The following ZBTB40 variants were observed in gnomAD, a reference collection of about 807,000 sequenced individuals.
ZBTB40 encodes zinc finger and BTB domain containing 40.
In ZBTB40, 60 loss-of-function variants were observed where a neutral mutation model predicts 117.5. That is an observed-to-expected ratio of 0.51 (90% confidence interval 0.41 to 0.63). The LOEUF (loss-of-function observed/expected upper bound fraction) is 0.63. Among genes scored for constraint, ZBTB40 ranks in the 30% least tolerant of loss-of-function variants. The pLI is 0.00. For synonymous variants in ZBTB40, 525 were observed against 577.1 expected (o/e 0.91, Z 1.29); for missense variants, 1,287 against 1,498.5 (o/e 0.86, Z 2.33).
intron 3 of ZBTB40, among the ~76,000 whole-genome samples, chr1:22,495,497 TTTTTGTTTTGTTTTG>T (rs373024206): frequency 2.0e-5 from 3 of 152,008 alleles, no homozygotes; most frequent in African/African-American, 7.2e-5. Context: ...TGCTAGGTTT[TTTTTGTTTTGTTTTG>T]TTTTGTTTTG....
In ZBTB40 at chr1:22,465,822, A is replaced by G. The variant is rs546468079; in HGVS notation, c.-70+13818A>G. On this transcript the variant is annotated intron_variant, in intron 1 of 17. Coordinates refer to ENST00000375647, the MANE Select transcript of ZBTB40 (RefSeq NM_014870.4). ...CTGCTTCTGGCTCCCCAAGAACACA[A>G]GGAGGCTCATATCTGCAGCCACAAC... 3.3e-5 allele frequency among the ~76,000 whole-genome samples: 5 copies of G among 152,176 alleles called. No individual in the cohort carries two copies. In the East Asian group the frequency reaches 9.7e-4, roughly 29 times the overall value.
chr1:22,483,939 C>G (rs1638396024), intron 1 of ZBTB40, among the ~76,000 whole-genome samples: 1 of 152,148 alleles, frequency 6.6e-6, no homozygotes, highest in African/African-American at 2.4e-5. Context: ...GGTGTAAGGT[C>G]TATGTCTAGA....
chr1:22,509,378 G>A (rs1163473077), intron 9 of ZBTB40, 145 bp downstream of exon 9: 4 of 1,229,350 alleles, frequency 3.3e-6, no homozygotes. Context: ...ACAGAGTCTT[G>A]CTCTGTCGCC....
chr1:22,471,274 A>G (rs1038151664), intron 1 of ZBTB40, among the ~76,000 whole-genome samples: 1 of 152,230 alleles, frequency 6.6e-6, no homozygotes, highest in African/African-American at 2.4e-5. Flanking sequence ...AGAAAAAACA[A>G]GGAGCCTCAA....
At chr1:22,494,717 G>A (rs1047483202) in intron 3 of ZBTB40, among the ~76,000 whole-genome samples, 3 of 152,210 alleles carry the variant, frequency 2.0e-5, no homozygotes, top group African/African-American at 7.2e-5. Flanking sequence ...TTTAGCAGAT[G>A]TTTACTGAGC....
intron 1 of ZBTB40, among the ~76,000 whole-genome samples, chr1:22,472,658 G>A (rs1382818738): frequency 6.6e-6 from 1 of 152,208 alleles, no homozygotes; most frequent in African/African-American, 2.4e-5. Context: ...AAATGTCACA[G>A]TAGGTCATAT....
At chr1:22,501,008 G>T (rs1638920924) in intron 3 of ZBTB40, among the ~76,000 whole-genome samples, 1 of 152,144 alleles carries the variant, frequency 6.6e-6, no homozygotes, top group South Asian at 2.1e-4. Flanking sequence ...TACTTAAAAT[G>T]CCAGATTCAG....
At chr1:22,488,198 A>G (rs1638527497) in intron 1 of ZBTB40, among the ~76,000 whole-genome samples, 1 of 152,224 alleles carries the variant, frequency 6.6e-6, no homozygotes, top group Admixed American at 6.5e-5. Flanking sequence ...CATTCTACCA[A>G]GTAATCAACA....
intron 1 of ZBTB40, among the ~76,000 whole-genome samples, chr1:22,486,722 GTTTTGTTTTGT>G (rs1194559763): frequency 6.9e-5 from 1 of 14,460 alleles, no homozygotes; most frequent in Non-Finnish European, 9.8e-5. Flanking sequence ...CATTTTTTTT[GTTTTGTTTTGT>G]TTTGTTTTGT....
chr1:22,501,703 C>T lies in ZBTB40; in HGVS notation c.1024+19C>T. The T allele has an allele frequency of 1.2e-6, 2 of 1,611,094 alleles. No homozygotes were observed. The highest frequency in any genetic ancestry group is 1.7e-6 in the Non-Finnish European group (2 of 1,178,806). ...CCAAAAGGTAGGAGAAGATCCTATG[C>T]ATTGGAATGGCAGGGTTTTATTTTG... On this transcript the variant is annotated intron_variant, in intron 4 of 17. Coordinates refer to ENST00000375647, the MANE Select transcript of ZBTB40 (RefSeq NM_014870.4).
intron 5 of ZBTB40, among the ~76,000 whole-genome samples, chr1:22,504,381 G>A (rs545000249): frequency 1.4e-4 from 22 of 152,280 alleles, no homozygotes; most frequent in African/African-American, 5.1e-4. Flanking sequence ...ATTGCTTACT[G>A]TGTGCCAGGC....
At chr1:22,494,675 A>G (rs149242950) in intron 3 of ZBTB40, among the ~76,000 whole-genome samples, 1 of 152,352 alleles carries the variant, frequency 6.6e-6, no homozygotes, top group Non-Finnish European at 1.5e-5. Flanking sequence ...AGGCCACCGA[A>G]TACCCATTTT....
At chr1:22,455,837 C>G (rs1295555292) in intron 1 of ZBTB40, among the ~76,000 whole-genome samples, 3 of 151,758 alleles carry the variant, frequency 2.0e-5, no homozygotes, top group Non-Finnish European at 4.4e-5. Flanking sequence ...GAGTATAACC[C>G]AAGTGTGGCT....
chr1:22,518,979 C>A (rs557659712), intron 13 of ZBTB40, among the ~76,000 whole-genome samples: 11 of 152,178 alleles, frequency 7.2e-5, no homozygotes, highest in Non-Finnish European at 1.6e-4. Context: ...CCGTGGCAGG[C>A]CTAGCATCCA....
upstream of ZBTB40, among the ~76,000 whole-genome samples, chr1:22,447,934 A>T (rs150703067): frequency 3.2e-3 from 486 of 152,340 alleles, no homozygotes; most frequent in African/African-American, 0.011. Context: ...CCAGACACCT[A>T]CTCGAACAAA....
chr1:22,485,123 CTG>C (rs1334843585), intron 1 of ZBTB40, among the ~76,000 whole-genome samples: 1 of 152,124 alleles, frequency 6.6e-6, no homozygotes, highest in Admixed American at 6.6e-5. Flanking sequence ...TGTAATGTCT[CTG>C]TGTGGTTTTG....
intron 1 of ZBTB40, among the ~76,000 whole-genome samples, chr1:22,488,769 A>G (rs764982504): frequency 6.6e-6 from 1 of 152,168 alleles, no homozygotes; most frequent in Non-Finnish European, 1.5e-5. Flanking sequence ...TGTTAAGTAG[A>G]TTGCTCCGCC....
At chr1:22,472,622 G>A (rs1418352394) in intron 1 of ZBTB40, among the ~76,000 whole-genome samples, 1 of 152,214 alleles carries the variant, frequency 6.6e-6, no homozygotes, top group Non-Finnish European at 1.5e-5. Flanking sequence ...TGTGAGAGAC[G>A]ACAGATGGCA....
chr1:22,451,645 T>C (rs1346760124), upstream of ZBTB40, among the ~76,000 whole-genome samples: 2 of 138,518 alleles, frequency 1.4e-5, no homozygotes, highest in Non-Finnish European at 3.1e-5. Flanking sequence ...ATCTCCCATC[T>C]CAAAAAAAAA....
Sources: allele counts gnomAD v4.1 joint callset (sites outside exome capture counted in the v4.1 genomes callset), GRCh38; gene constraint gnomAD v4.1.1; transcripts MANE v1.5; gene names NCBI Gene and HGNC (gene_info 2026-07-23, HGNC 2026-07-21).